The following SLC25A26 variants were observed in gnomAD, a reference collection of about 807,000 sequenced individuals.
The protein encoded by SLC25A26 is mitochondrial S-adenosylmethionine carrier protein.
SLC25A26 carries 36 observed loss-of-function variants against 37.8 expected under a neutral mutation model. The ratio of observed to expected loss-of-function variants is 0.95; its 90% confidence interval spans 0.73 to 1.26. The LOEUF is 1.26. Among genes scored for constraint, SLC25A26 ranks in the 50% most tolerant of loss-of-function variants. The probability of loss-of-function intolerance (pLI) is 0.00; values close to 1 mark genes in which losing one functional copy is unlikely to be tolerated. For missense variants in SLC25A26, 390 were observed against 331.1 expected (o/e 1.18, Z -1.38); for synonymous variants, 129 against 122.5 (o/e 1.05, Z -0.35).
intron 9 of SLC25A26, chr3:66,371,248 C>T: frequency 1.3e-6 from 2 of 1,546,658 alleles, no homozygotes; most frequent in South Asian, 1.2e-5. Flanking sequence ...CAGTGGCCTC[C>T]CTTTGCAGAG....
At chr3:66,256,348 T>A (rs1183736155) in intron 3 of SLC25A26, among the ~76,000 whole-genome samples, 1 of 152,170 alleles carries the variant, frequency 6.6e-6, no homozygotes, top group Non-Finnish European at 1.5e-5. Flanking sequence ...GGCTGATAGG[T>A]TGCCATCTAA....
intron 5 of SLC25A26, among the ~76,000 whole-genome samples, chr3:66,322,869 A>G (rs963768358): frequency 1.3e-5 from 2 of 152,102 alleles, no homozygotes; most frequent in African/African-American, 2.4e-5. Context: ...CAAGTTTTTA[A>G]TAGTATATTT....
intron 1 of SLC25A26, among the ~76,000 whole-genome samples, chr3:66,162,309 C>G (rs2070370083): frequency 6.7e-6 from 1 of 149,610 alleles, no homozygotes; most frequent in Non-Finnish European, 1.5e-5. Context: ...ATTCTGAGGT[C>G]CTGGGGGAGA....
At chr3:66,367,082 G>A (rs1368784255) in intron 7 of SLC25A26, among the ~76,000 whole-genome samples, 1 of 152,300 alleles carries the variant, frequency 6.6e-6, no homozygotes, top group East Asian at 1.9e-4. Context: ...TACCGATTAA[G>A]CGTTTTCGAG....
chr3:66,199,725 A>G (rs982311693), intron 1 of SLC25A26, among the ~76,000 whole-genome samples: 63 of 151,936 alleles, frequency 4.1e-4, no homozygotes, highest in East Asian at 3.3e-3. Flanking sequence ...TACTCTCACC[A>G]TGATATTGAT....
In SLC25A26 at chr3:66,236,580, T is replaced by A; in HGVS notation, c.70T>A (p.Leu24Ile). Reference protein sequence around the residue: ...GVAGVSVDLILFPLDTIKTRL... With the variant: ...GVAGVSVDLIIFPLDTIKTRL... Reference sequence around the variant, plus strand: ...AGCAGGTGTTTCTGTTGACTTGATATTATTTCCTCTGGATACCATTAAAAC... The same window carrying A: ...AGCAGGTGTTTCTGTTGACTTGATAATATTTCCTCTGGATACCATTAAAAC... The change falls in exon 2 of 10, where the codon TTA becomes ATA. Residue 24 changes from leucine to isoleucine, a missense_variant. Coordinates refer to ENST00000354883, the MANE Select transcript of SLC25A26 (RefSeq NM_001379210.1). The A allele has an allele frequency of 2.0e-6, 3 of 1,495,938 alleles. No homozygotes were observed. The highest frequency in any genetic ancestry group is 2.7e-6 in the Non-Finnish European group (3 of 1,119,018). 92.7% of individuals were successfully genotyped at this position (1,495,938 alleles called of 1,614,324 possible). A position where few individuals can be genotyped will look rare whatever the true frequency, so the allele number is the denominator to read the frequency against.
chr3:66,367,705 C>CAG (rs1310466444), intron 7 of SLC25A26, among the ~76,000 whole-genome samples: 20 of 146,444 alleles, frequency 1.4e-4, no homozygotes, highest in African/African-American at 5.0e-4. Context: ...GACAGACAGA[C>CAG]ACAGAGAGAG....
chr3:66,372,808 G>C (rs2107855605), intron 9 of SLC25A26, among the ~76,000 whole-genome samples: 1 of 152,292 alleles, frequency 6.6e-6, no homozygotes, highest in Middle Eastern at 3.4e-3. Context: ...ATCTCTGCCA[G>C]CTTCCTCTGT....
chr3:66,207,971 T>C lies in SLC25A26; in HGVS notation c.-353-12771T>C, dbSNP rs959325551. ...CATTATACACTAGAACAAAGTAAAC[T>C]GTGAGCACTTATGCAAGCACAGTGT... is the stretch of plus-strand genomic sequence containing the variant. On this transcript the variant is annotated intron_variant, in intron 1 of 10. Transcript: ENST00000676754. Among the ~76,000 whole-genome samples, 6 of 152,334 alleles carry C rather than the reference T, an allele frequency of 3.9e-5. No individual in the cohort carries two copies. In the South Asian group the frequency reaches 8.3e-4, roughly 21 times the overall value.
intron 1 of SLC25A26, among the ~76,000 whole-genome samples, chr3:66,189,771 C>T (rs2106785886): frequency 6.6e-6 from 1 of 152,296 alleles, no homozygotes; most frequent in Non-Finnish European, 1.5e-5. Flanking sequence ...AAGCGACTTT[C>T]CCTCCTCAGC....
chr3:66,321,279 C>T (rs906298316), intron 5 of SLC25A26, among the ~76,000 whole-genome samples: 8 of 152,158 alleles, frequency 5.3e-5, no homozygotes, highest in African/African-American at 1.4e-4. Flanking sequence ...TGCATGCTAA[C>T]GTTTAAACCG....
At chr3:66,310,673 G>T (rs143158581) in intron 5 of SLC25A26, among the ~76,000 whole-genome samples, 1 of 152,172 alleles carries the variant, frequency 6.6e-6, no homozygotes, top group African/African-American at 2.4e-5. Context: ...AGGAGCTCTT[G>T]TAAGGCAGGC....
chr3:66,170,842 C>T (rs1158086323), intron 1 of SLC25A26, among the ~76,000 whole-genome samples: 9 of 113,830 alleles, frequency 7.9e-5, no homozygotes, highest in African/African-American at 2.7e-4. Flanking sequence ...CTCGCTCTGT[C>T]GCCCAGGCTG....
intron 2 of SLC25A26, among the ~76,000 whole-genome samples, chr3:66,242,141 G>T (rs1224612219): frequency 1.3e-5 from 2 of 152,124 alleles, no homozygotes; most frequent in East Asian, 1.9e-4. Context: ...TGAAGTTGAG[G>T]TGGTTAACCA....
chr3:66,177,420 C>T (rs1485194804), intron 1 of SLC25A26, among the ~76,000 whole-genome samples: 1 of 152,204 alleles, frequency 6.6e-6, no homozygotes, highest in Admixed American at 6.5e-5. Context: ...AGACTCCTAG[C>T]AATTGTGAAG....
chr3:66,370,861 G>T (rs1365072453), intron 9 of SLC25A26, among the ~76,000 whole-genome samples: 1 of 152,208 alleles, frequency 6.6e-6, no homozygotes, highest in Non-Finnish European at 1.5e-5. Flanking sequence ...TCTCACCAGG[G>T]TCTGGGCTGC....
intron 3 of SLC25A26, among the ~76,000 whole-genome samples, chr3:66,249,664 G>A (rs1047587821): frequency 1.2e-4 from 19 of 152,138 alleles, no homozygotes; most frequent in African/African-American, 4.3e-4. Context: ...AATATTCATC[G>A]ATCAATACAG....
At chr3:66,283,187 C>T (rs72902911) in intron 5 of SLC25A26, among the ~76,000 whole-genome samples, 2,232 of 152,262 alleles carry the variant, frequency 0.015, 63 homozygotes, top group African/African-American at 0.05. Context: ...GTGTGAACAT[C>T]ATTTTCATTT....
In SLC25A26 at chr3:66,221,141, G is replaced by A; in HGVS notation, c.33+14G>A. The A allele has an allele frequency of 6.6e-7, 1 of 1,512,834 alleles. No individual in the cohort carries two copies. Among genetic ancestry groups the A allele is most frequent in the Non-Finnish European group, 8.8e-7 (1 of 1,137,690 alleles). The allele number at this position is 1,512,834 out of a possible 1,614,324, so 93.7% of individuals were successfully genotyped here. ...GCAGCGCTGGTGGTGAGTGCGGGGC[G>A]GTGGGGTGGGTTGCTCAGAGTGCCG... On this transcript the variant is annotated intron_variant, in intron 1 of 9. Coordinates refer to ENST00000354883, the MANE Select transcript of SLC25A26 (RefSeq NM_001379210.1).
Sources: gnomAD v4.1 joint callset for allele counts (sites outside exome capture counted in the v4.1 genomes callset) on GRCh38, gnomAD v4.1.1 for gene constraint, MANE v1.5 for transcripts, NCBI Gene and HGNC (gene_info 2026-07-23, HGNC 2026-07-21) for gene names.